SORBS3: variants seen among roughly 807,000 people sequenced by gnomAD.
SORBS3 encodes the protein vinexin.
Under a neutral mutation model 98.0 loss-of-function variants are expected in SORBS3, and 69 were observed. The ratio of observed to expected loss-of-function variants is 0.70; its 90% confidence interval spans 0.58 to 0.86. The LOEUF (loss-of-function observed/expected upper bound fraction) is 0.86. Among genes scored for constraint, SORBS3 ranks in the 40% least tolerant of loss-of-function variants. The pLI is 0.00. For synonymous variants in SORBS3, 394 were observed against 355.4 expected (o/e 1.11, Z -1.22); for missense variants, 954 against 908.5 (o/e 1.05, Z -0.64).
Position 22,574,667 on chromosome 8 carries a change from G to T in SORBS3, c.1955G>T (p.Gly652Val). The T allele has an allele frequency of 6.2e-7, 1 of 1,612,704 alleles. No individual in the cohort carries two copies. Residue 652 changes from glycine (G) to valine (V), a missense_variant and splice_region_variant, in exon 21 of 21, where the codon GGT (glycine) becomes GTT (valine). Physicochemically the swap from Gly to Val is moderately radical, Grantham distance 109. Transcript: ENST00000240123. ...MQQCDDGWFV[G>V]VSRRTQKFGT... The stretch of plus-strand genomic sequence containing the variant: ...GCTCTTCCTGCCTTTCCTCTTTCAG[G>T]TGTCTCCCGGAGGACCCAGAAATTC...
At chr8:22,557,989 G>T in intron 4 of SORBS3, 140 bp from the exon 5 acceptor site, 1 of 765,488 alleles carries the variant, frequency 1.3e-6, no homozygotes, top group Non-Finnish European at 2.4e-6. Context: ...TAAAGAGATC[G>T]CAAGAGAAGC....
intron 7 of SORBS3, among the ~76,000 whole-genome samples, chr8:22,563,046 G>A (rs1840328506): frequency 6.6e-6 from 1 of 152,056 alleles, no homozygotes; most frequent in Non-Finnish European, 1.5e-5. Context: ...ATGAACCCAG[G>A]AGGCGGAGCT....
intron 1 of SORBS3, among the ~76,000 whole-genome samples, chr8:22,552,509 G>A (rs554731732): frequency 6.6e-6 from 1 of 152,358 alleles, no homozygotes; most frequent in South Asian, 2.1e-4. Flanking sequence ...CTTCCCTGGA[G>A]GTTCCTGTGG....
chr8:22,564,561 C>T lies in SORBS3; in HGVS notation c.816+40C>T, dbSNP rs1441853987. 4 of 1,612,034 alleles carry T rather than the reference C, an allele frequency of 2.5e-6. No homozygotes were observed. In the South Asian group the frequency reaches 4.4e-5, roughly 18 times the overall value. ...GTGCTGGGGACAGCAGCCTGATAAA[C>T]CAGGGAGATTAGGGTTTTGGTGGCC... On this transcript the variant is annotated intron_variant, in intron 10 of 20. Coordinates refer to ENST00000240123, the MANE Select transcript of SORBS3 (RefSeq NM_005775.5).
At chr8:22,557,710 G>A (rs1413307856) in intron 4 of SORBS3, among the ~76,000 whole-genome samples, 1 of 152,172 alleles carries the variant, frequency 6.6e-6, no homozygotes, top group African/African-American at 2.4e-5. Context: ...CTACTCAGGA[G>A]GCTGAGGCAG....
intron 3 of SORBS3, among the ~76,000 whole-genome samples, chr8:22,555,705 G>T (rs1340774114): frequency 2.6e-5 from 4 of 152,102 alleles, no homozygotes; most frequent in Admixed American, 1.3e-4. Flanking sequence ...ACAAAAATTT[G>T]CTGGGTGTGG....
intron 18 of SORBS3, 159 bp from the exon 19 acceptor site, chr8:22,571,559 T>C: frequency 1.6e-6 from 1 of 633,546 alleles, no homozygotes; most frequent in South Asian, 1.8e-5. Context: ...TCACAGCAGG[T>C]GTCCCTGTGC....
intron 3 of SORBS3, 92 bp from the exon 4 acceptor site, chr8:22,556,623 A>C: frequency 8.8e-7 from 1 of 1,135,600 alleles, no homozygotes; most frequent in Non-Finnish European, 1.3e-6. Flanking sequence ...CTTTGAACCC[A>C]CAGAGATCCA....
At chr8:22,562,395 T>G (rs1319325363) in intron 7 of SORBS3, among the ~76,000 whole-genome samples, 2 of 152,188 alleles carry the variant, frequency 1.3e-5, no homozygotes, top group African/African-American at 4.8e-5. Context: ...AGGAGCCCCT[T>G]GGAGGGATAA....
Position 22,554,550 on chromosome 8 carries a change from A to G in SORBS3, c.44A>G (p.Asp15Gly). 1.2e-6 allele frequency: 2 copies of G among 1,612,858 alleles called. No homozygotes were observed. The highest frequency in any genetic ancestry group is 1.7e-6 in the Non-Finnish European group (2 of 1,179,952). Residue 15 changes from aspartate to glycine, a missense_variant, in exon 2 of 21, where the codon GAC (aspartate) becomes GGC (glycine). Transcript: ENST00000240123. The surrounding 1 kb of genome is among the most constrained non-coding windows in gnomAD (Gnocchi z 6.5). ...PRSLRAGLSL[D>G]DFIPGHLQSH... ...AGCCTCCGCGCTGGGCTCAGCCTGG[A>G]CGACTTCATCCCTGGCCACCTCCAG...
chr8:22,569,086 C>T (rs927409250), intron 16 of SORBS3, 62 bp from the exon 17 acceptor site: 2 of 1,499,656 alleles, frequency 1.3e-6, no homozygotes, highest in African/African-American at 1.4e-5. Context: ...CTCACAGGAA[C>T]CCCCAGCCTG....
intron 11 of SORBS3, 135 bp from the exon 12 acceptor site, chr8:22,565,691 C>G: frequency 8.2e-7 from 1 of 1,214,004 alleles, no homozygotes; most frequent in Non-Finnish European, 1.0e-6. Flanking sequence ...GGATCGGCCG[C>G]GCGGGCGCCT....
At chr8:22,558,011 C>T in intron 4 of SORBS3, 118 bp from the exon 5 acceptor site, 1 of 899,654 alleles carries the variant, frequency 1.1e-6, no homozygotes, top group Non-Finnish European at 1.9e-6. Context: ...TTTCCCAGCC[C>T]ACCTATGGGG....
chr8:22,567,144 G>A lies in SORBS3; in HGVS notation c.1274G>A (p.Arg425His), dbSNP rs200952218. The change falls in exon 16 of 21, where the codon CGC (arginine) becomes CAC (histidine). Residue 425 changes from arginine (R) to histidine (H), a missense_variant. Arg to His is a conservative substitution (Grantham distance 29). Transcript: ENST00000240123. Reference sequence around the variant, plus strand: ...TGGCTGGAGGGAGAGCACCACGGCCGCCTGGGCATCTTCCCTGCTAATTAT... The same window carrying A: ...TGGCTGGAGGGAGAGCACCACGGCCACCTGGGCATCTTCCCTGCTAATTAT... Reference protein sequence around the residue: ...KNWLEGEHHGRLGIFPANYVE... With the variant: ...KNWLEGEHHGHLGIFPANYVE... The A allele has an allele frequency of 1.6e-5, 26 of 1,612,978 alleles. No individual in the cohort carries two copies. In the Middle Eastern group the frequency reaches 9.9e-4, roughly 61 times the overall value.
At chr8:22,557,800 A>G (rs909841631) in intron 4 of SORBS3, among the ~76,000 whole-genome samples, 2 of 152,206 alleles carry the variant, frequency 1.3e-5, no homozygotes, top group African/African-American at 4.8e-5. Flanking sequence ...GTGACACAGG[A>G]GACCCTGTCT....
At chr8:22,568,717 G>A (rs368256088) in intron 16 of SORBS3, among the ~76,000 whole-genome samples, 2 of 152,206 alleles carry the variant, frequency 1.3e-5, no homozygotes, top group African/African-American at 4.8e-5. Flanking sequence ...TGGGGAGGAA[G>A]AACCGAGACG....
At position 22,570,898 on chromosome 8, in the gene SORBS3, T is replaced by C. The variant is rs747630963; in HGVS notation, c.1432-12T>C. 1.4e-5 allele frequency: 22 copies of C among 1,576,428 alleles called. No individual in the cohort carries two copies. Among genetic ancestry groups the C allele is most frequent in the South Asian group, 1.1e-4 (9 of 85,018 alleles). On this transcript the variant is annotated splice_polypyrimidine_tract_variant and intron_variant, in intron 17 of 20. Coordinates refer to ENST00000240123, the MANE Select transcript of SORBS3 (RefSeq NM_005775.5). ...AGGAAGGCCCCACAGACACTGACTT[T>C]TCCCCCCTCAGGGAGAGCACATCTG... is the stretch of plus-strand genomic sequence containing the variant.
intron 5 of SORBS3, 46 bp from the exon 6 acceptor site, chr8:22,561,288 CT>C: frequency 6.5e-7 from 1 of 1,541,582 alleles, no homozygotes; most frequent in Non-Finnish European, 8.8e-7. Context: ...GCACCCTGCC[CT>C]TGCTTTCTGC....
At chr8:22,561,054 A>T in intron 5 of SORBS3, 1 of 391,876 alleles carries the variant, frequency 2.6e-6, no homozygotes, top group Non-Finnish European at 4.5e-6. Flanking sequence ...CACAAAGGTC[A>T]GGAGAGGGTG....
Sources: gnomAD v4.1 joint callset for allele counts (sites outside exome capture counted in the v4.1 genomes callset) on GRCh38, gnomAD v4.1.1 for gene constraint, Gnocchi (gnomAD v3.1) non-coding constraint, MANE v1.5 for transcripts, NCBI Gene and HGNC (gene_info 2026-07-23, HGNC 2026-07-21) for gene names.